TRIO: variants seen among roughly 807,000 people sequenced by gnomAD.
TRIO encodes trio Rho guanine nucleotide exchange factor, also known as triple functional domain protein.
Under a neutral mutation model 351.9 loss-of-function variants are expected in TRIO, and 58 were observed. The observed-to-expected ratio is 0.16, with a 90% CI of 0.13 to 0.21. The LOEUF (loss-of-function observed/expected upper bound fraction) is 0.21, where lower values mean the gene tolerates loss of function less well. TRIO is among the 10% of genes least tolerant of loss of function. TRIO has a pLI of 1.00. For missense variants in TRIO, 3,201 were observed against 4,027.8 expected (o/e 0.79, Z 5.56); for synonymous variants, 1,758 against 1,595.7 (o/e 1.10, Z -2.42).
chr5:14,441,097 T>G (rs1752001902), intron 34 of TRIO: 1 of 152,574 alleles, frequency 6.6e-6, no homozygotes, highest in Non-Finnish European at 1.5e-5. Flanking sequence ...GCTGCCAGTC[T>G]GTGTGCCTGT....
At position 14,228,659 on chromosome 5, in the gene TRIO, T is replaced by C. The variant is rs560974543; in HGVS notation, c.158-42166T>C. Among the ~76,000 whole-genome samples the C allele has an allele frequency of 2.0e-5, 3 of 152,352 alleles. No individual in the cohort carries two copies. The South Asian group carries it at 6.2e-4, about 32-fold the overall frequency. On this transcript the variant is annotated intron_variant, in intron 1 of 56. Transcript: ENST00000344204. ...ATCATTTTGACTAAGTTTTTTGGAA[T>C]GAAATTGATATCTGCTTTATCACCA...
chr5:14,277,747 T>A (rs1013437953), intron 2 of TRIO, among the ~76,000 whole-genome samples: 1 of 152,228 alleles, frequency 6.6e-6, no homozygotes, highest in Non-Finnish European at 1.5e-5. Context: ...TCTTGGGGAA[T>A]AGAATTAAAC....
In TRIO at chr5:14,500,684, A is replaced by G. The variant is rs1051431528; in HGVS notation, c.8333-1895A>G. Among the ~76,000 whole-genome samples the G allele has an allele frequency of 3.3e-5, 5 of 152,152 alleles. No homozygotes were observed. The East Asian group carries it at 5.8e-4, about 18-fold the overall frequency. On this transcript the variant is annotated intron_variant, in intron 53 of 56. Coordinates refer to ENST00000344204, the MANE Select transcript of TRIO (RefSeq NM_007118.4). ...AGGCAGGTAGCCATGGCTTGAGCCC[A>G]GGAGTTAGAGACCAGCAACATGGCA...
chr5:14,505,359 A>C (rs1399076622), intron 55 of TRIO, among the ~76,000 whole-genome samples: 2 of 152,218 alleles, frequency 1.3e-5, no homozygotes, highest in Non-Finnish European at 2.9e-5. Context: ...ACATCTGTGC[A>C]TTTAGCTTTG....
At chr5:14,332,228 T>C (rs1740969089) in intron 10 of TRIO, among the ~76,000 whole-genome samples, 1 of 152,240 alleles carries the variant, frequency 6.6e-6, no homozygotes, top group Admixed American at 6.5e-5. Flanking sequence ...ACAAAGTTAT[T>C]ATCCAGGAAG....
chr5:14,418,563 G>C (rs1410322252), intron 33 of TRIO, among the ~76,000 whole-genome samples: 1 of 152,176 alleles, frequency 6.6e-6, no homozygotes, highest in Non-Finnish European at 1.5e-5. Context: ...GGAAGAAAAA[G>C]AGATTTAGGG....
intron 8 of TRIO, among the ~76,000 whole-genome samples, chr5:14,313,679 G>A (rs1199736767): frequency 6.6e-6 from 1 of 152,152 alleles, no homozygotes; most frequent in Non-Finnish European, 1.5e-5. Flanking sequence ...TTTCTGTGTT[G>A]CCTTTTTTAG....
intron 11 of TRIO, among the ~76,000 whole-genome samples, chr5:14,350,378 C>T (rs1012474954): frequency 2.0e-5 from 3 of 152,138 alleles, no homozygotes; most frequent in African/African-American, 7.2e-5. Flanking sequence ...GAGTGTCTTA[C>T]CTTGCGGGGA....
chr5:14,474,642 A>G (rs1013048535), intron 40 of TRIO, among the ~76,000 whole-genome samples: 1 of 152,060 alleles, frequency 6.6e-6, no homozygotes, highest in Non-Finnish European at 1.5e-5. Flanking sequence ...CCTTGAAGAC[A>G]CTCATTTGTC....
chr5:14,173,137 T>A (rs1428349211), intron 1 of TRIO, among the ~76,000 whole-genome samples: 1 of 149,974 alleles, frequency 6.7e-6, no homozygotes, highest in Admixed American at 6.7e-5. Flanking sequence ...CTCTAGGAGG[T>A]CCAGGAGTAT....
At chr5:14,193,994 T>C (rs1332321113) in intron 1 of TRIO, among the ~76,000 whole-genome samples, 1 of 152,190 alleles carries the variant, frequency 6.6e-6, no homozygotes, top group African/African-American at 2.4e-5. Flanking sequence ...TTCAGTATTC[T>C]CAGCAAGGAA....
chr5:14,496,533 G>T (rs191110436), intron 49 of TRIO, among the ~76,000 whole-genome samples: 1 of 152,260 alleles, frequency 6.6e-6, no homozygotes, highest in East Asian at 1.9e-4. Flanking sequence ...GCCTTTACTG[G>T]ACCCATCAAA....
chr5:14,185,572 G>T (rs984668290), intron 1 of TRIO, among the ~76,000 whole-genome samples: 1 of 152,216 alleles, frequency 6.6e-6, no homozygotes, highest in Non-Finnish European at 1.5e-5. Context: ...TGGCTGAAGA[G>T]CAGGGAGAAA....
chr5:14,296,539 G>A (rs1000565178), intron 6 of TRIO, among the ~76,000 whole-genome samples: 1 of 152,230 alleles, frequency 6.6e-6, no homozygotes, highest in African/African-American at 2.4e-5. Flanking sequence ...ATTCCTGGGA[G>A]AAGGTGGATC....
intron 1 of TRIO, among the ~76,000 whole-genome samples, chr5:14,214,366 C>T (rs879388612): frequency 7.9e-5 from 12 of 152,076 alleles, no homozygotes; most frequent in African/African-American, 2.4e-4. Context: ...GGCAGAGAAC[C>T]GAGGCTGTTT....
intron 1 of TRIO, among the ~76,000 whole-genome samples, chr5:14,170,508 CTTTTTTTTT>C (rs3994019): frequency 7.5e-6 from 1 of 133,786 alleles, no homozygotes; most frequent in Admixed American, 7.6e-5. Flanking sequence ...GCTTCTCTCT[CTTTTTTTTT>C]TTTTTTTTTG....
intron 1 of TRIO, among the ~76,000 whole-genome samples, chr5:14,236,970 T>C (rs1431462828): frequency 3.9e-5 from 6 of 152,198 alleles, no homozygotes; most frequent in Admixed American, 2.0e-4. Flanking sequence ...CAGCCTCTCC[T>C]GTTACACTCT....
At chr5:14,313,290 C>T (rs539595130) in intron 8 of TRIO, among the ~76,000 whole-genome samples, 2 of 152,290 alleles carry the variant, frequency 1.3e-5, no homozygotes, top group East Asian at 3.9e-4. Flanking sequence ...TGTGTATTGA[C>T]TTTCTCAGCA....
chr5:14,345,174 A>G (rs1467312776), intron 11 of TRIO, among the ~76,000 whole-genome samples: 1 of 152,184 alleles, frequency 6.6e-6, no homozygotes, highest in African/African-American at 2.4e-5. Flanking sequence ...TTAACATCGG[A>G]TCACTATTTT....
Sources: allele counts gnomAD v4.1 joint callset (sites outside exome capture counted in the v4.1 genomes callset), GRCh38; gene constraint gnomAD v4.1.1; transcripts MANE v1.5; gene names NCBI Gene and HGNC (gene_info 2026-07-23, HGNC 2026-07-21).